Variants in BRIP1 observed in about 807,000 individuals in gnomAD.
BRIP1 encodes Fanconi anemia group J protein.
In BRIP1, 88 loss-of-function variants were observed where a neutral mutation model predicts 119.7. That is an observed-to-expected ratio of 0.74 (90% CI 0.62 to 0.88). The LOEUF is 0.88. Ranked by LOEUF, BRIP1 falls within the 40% of genes least tolerant of loss-of-function variation. The probability of loss-of-function intolerance (pLI) is 0.00; values close to 1 mark genes in which losing one functional copy is unlikely to be tolerated. For synonymous variants in BRIP1, 443 were observed against 496.5 expected (o/e 0.89, Z 1.43); for missense variants, 1,259 against 1,455.4 (o/e 0.87, Z 2.20).
rs936583723 is a variant in BRIP1, at chr17:61,706,586, A to T, written c.2492+9365T>A. On this transcript the variant is annotated intron_variant, in intron 17 of 19. Coordinates refer to ENST00000259008, the MANE Select transcript of BRIP1 (RefSeq NM_032043.3). This position sits in a 1 kb window ranked among gnomAD's most constrained non-coding sequence, Gnocchi z 5.7. ...GTTATTTATCTCCATATTTCTAAGG[A>T]ACATTGATCCTACTACTACTTCTTG... Among the ~76,000 whole-genome samples the T allele has an allele frequency of 6.6e-6, 1 of 152,086 alleles. No individual in the cohort carries two copies. The highest frequency in any genetic ancestry group is 2.4e-5 in the African/African-American group (1 of 41,422).
Position 61,683,307 on chromosome 17 carries a change from C to T in BRIP1, c.3739G>A (p.Gly1247Ser), listed in dbSNP as rs1196057129. 6.2e-7 allele frequency: 1 copy of T among 1,608,920 alleles called. No homozygotes were observed. Residue 1247 changes from glycine to serine, a missense_variant, in exon 20 of 20, where the codon GGT (glycine) becomes AGT (serine). Around this residue, in one of 3 missense-constraint regions of BRIP1, gnomAD observed 753 missense variants for 891.8 expected, o/e 0.84. Transcript: ENST00000259008. This position sits in a 1 kb window ranked among gnomAD's most constrained non-coding sequence, Gnocchi z 4.7. Reference sequence around the variant, plus strand: ...AGAGTTAAGTATTATTACTTAAAACCAGGAAACATGCCTTTATTTTTGGAA... The same window carrying T: ...AGAGTTAAGTATTATTACTTAAAACTAGGAAACATGCCTTTATTTTTGGAA... ...SPSKNKGMFP[G>S]FK
intron 9 of BRIP1, among the ~76,000 whole-genome samples, chr17:61,797,492 A>G (rs2077919121): frequency 6.6e-6 from 1 of 152,026 alleles, no homozygotes; most frequent in Non-Finnish European, 1.5e-5. Flanking sequence ...TTTGCGTAGA[A>G]TTGTCCAGAG....
At chr17:61,812,210 G>A (rs750030041) in intron 6 of BRIP1, among the ~76,000 whole-genome samples, 1 of 151,678 alleles carries the variant, frequency 6.6e-6, no homozygotes, top group Non-Finnish European at 1.5e-5. Flanking sequence ...TTGACCCAGG[G>A]GTCTTAAAAC....
rs2078391209 is a variant in BRIP1, at chr17:61,825,423, G to T, written c.628-16666C>A. On this transcript the variant is annotated intron_variant, in intron 6 of 19. Coordinates refer to ENST00000259008, the MANE Select transcript of BRIP1 (RefSeq NM_032043.3). The surrounding 1 kb of genome is among the most constrained non-coding windows in gnomAD (Gnocchi z 4.1). ...AAAGGGCATCCAAATAGGAAGAGAG[G>T]AAGTCAAACTATCCCTCTTTGCAGA... Among the ~76,000 whole-genome samples, 1 of 151,962 alleles carries T rather than the reference G, an allele frequency of 6.6e-6. No individual in the cohort carries two copies. Among genetic ancestry groups the T allele is most frequent in the African/African-American group, 2.4e-5 (1 of 41,362 alleles).
At chr17:61,696,037 G>A (rs12945154) in intron 17 of BRIP1, among the ~76,000 whole-genome samples, 25 of 152,162 alleles carry the variant, frequency 1.6e-4, no homozygotes, top group East Asian at 5.8e-4. Context: ...AATCACTGTC[G>A]TGATCTTGAA....
chr17:61,858,981 A>G (rs1007428490), intron 3 of BRIP1, among the ~76,000 whole-genome samples: 5 of 149,668 alleles, frequency 3.3e-5, no homozygotes, highest in African/African-American at 9.9e-5. Flanking sequence ...GAATCACTTG[A>G]GCCTGGGAGT....
rs767704885 is a variant in BRIP1 at position 61,760,337 on chromosome 17, C to T, written c.2098-15746G>A. Among the ~76,000 whole-genome samples the T allele has an allele frequency of 3.3e-5, 5 of 151,662 alleles. No homozygotes were observed. The highest frequency in any genetic ancestry group is 7.4e-5 in the Non-Finnish European group (5 of 67,810). Reference sequence around the variant, plus strand: ...GAAAGTTTACAATAACAAATGCCTACATCAAAAAAGAAGATCCCAAATAAA... The same window carrying T: ...GAAAGTTTACAATAACAAATGCCTATATCAAAAAAGAAGATCCCAAATAAA... On this transcript the variant is annotated intron_variant, in intron 14 of 19. Transcript: ENST00000259008. This position sits in a 1 kb window ranked among gnomAD's most constrained non-coding sequence, Gnocchi z 4.6.
In BRIP1 at chr17:61,824,717, T is replaced by G. The variant is rs2078379275; in HGVS notation, c.628-15960A>C. Reference sequence around the variant, plus strand: ...CATAAAACTTTTCCAAAAGCACTGGTGATAAAAAATGGACTTCATGAGATA... The same window carrying G: ...CATAAAACTTTTCCAAAAGCACTGGGGATAAAAAATGGACTTCATGAGATA... On this transcript the variant is annotated intron_variant, in intron 6 of 19. Coordinates refer to ENST00000259008, the MANE Select transcript of BRIP1 (RefSeq NM_032043.3). This position sits in a 1 kb window ranked among gnomAD's most constrained non-coding sequence, Gnocchi z 4.3. Among the ~76,000 whole-genome samples the G allele has an allele frequency of 6.6e-6, 1 of 152,062 alleles. No homozygotes were observed. Among genetic ancestry groups the G allele is most frequent in the South Asian group, 2.1e-4 (1 of 4,824 alleles).
Position 61,808,650 on chromosome 17 carries a change from T to G in BRIP1, c.735A>C (p.Lys245Asn). The G allele has an allele frequency of 6.2e-7, 1 of 1,613,982 alleles. No individual in the cohort carries two copies. Among genetic ancestry groups the G allele is most frequent in the South Asian group, 1.1e-5 (1 of 91,078 alleles). Residue 245 changes from lysine (K) to asparagine (N), a missense_variant, in exon 7 of 20, where the codon AAA becomes AAC. Lys to Asn is a moderately conservative substitution (Grantham distance 94). Around this residue, in one of 3 missense-constraint regions of BRIP1, gnomAD observed 501 missense variants for 544.0 expected, o/e 0.92. Coordinates refer to ENST00000259008, the MANE Select transcript of BRIP1 (RefSeq NM_032043.3). This position sits in a 1 kb window ranked among gnomAD's most constrained non-coding sequence, Gnocchi z 4.1. ...KDHTGKSKIP[K>N]IYFGTRTHKQ... ...TGTGTGTGCGTGTCCCAAAATATATTTTGGGTATCTTGGATTTCCCTGTAT... is the reference window on the plus strand; with the variant it reads ...TGTGTGTGCGTGTCCCAAAATATATGTTGGGTATCTTGGATTTCCCTGTAT...
In BRIP1 at chr17:61,843,336, T is replaced by C. The variant is rs552548718; in HGVS notation, c.627+3765A>G. On this transcript the variant is annotated intron_variant, in intron 6 of 19. Coordinates refer to ENST00000259008, the MANE Select transcript of BRIP1 (RefSeq NM_032043.3). The surrounding 1 kb of genome is among the most constrained non-coding windows in gnomAD (Gnocchi z 5.7). ...TAATAATACTATATTCTAGGCTGGA[T>C]ATTTCGATATTGGCTTTAAAATTTT... Among the ~76,000 whole-genome samples the C allele has an allele frequency of 6.6e-6, 1 of 152,270 alleles. No individual in the cohort carries two copies. The highest frequency in any genetic ancestry group is 2.1e-4 in the South Asian group (1 of 4,820).
At chr17:61,811,903 G>A (rs1359721691) in intron 6 of BRIP1, among the ~76,000 whole-genome samples, 1 of 152,062 alleles carries the variant, frequency 6.6e-6, no homozygotes, top group African/African-American at 2.4e-5. Context: ...AGTGAGCCAA[G>A]ACCACGCCAC....
rs1013467000 is a variant in BRIP1 at position 61,693,005 on chromosome 17, G to A, written c.2575+425C>T. Among the ~76,000 whole-genome samples the A allele has an allele frequency of 6.6e-6, 1 of 152,036 alleles. No homozygotes were observed. The highest frequency in any genetic ancestry group is 2.4e-5 in the African/African-American group (1 of 41,380). ...CAGATGAATGGATAAAGAAAATATG[G>A]TATAATGTATACATAAAATAAAATA... On this transcript the variant is annotated intron_variant, in intron 18 of 19. Transcript: ENST00000259008. This position sits in a 1 kb window ranked among gnomAD's most constrained non-coding sequence, Gnocchi z 4.2.
At position 61,684,232 on chromosome 17, in the gene BRIP1, T is replaced by C; in HGVS notation, c.2906-92A>G. 1 of 1,393,730 alleles carries C rather than the reference T, an allele frequency of 7.2e-7. No individual in the cohort carries two copies. Among genetic ancestry groups the C allele is most frequent in the South Asian group, 1.3e-5 (1 of 77,732 alleles). The allele number at this position is 1,393,730 out of a possible 1,614,324, so 86.3% of individuals were successfully genotyped here. On this transcript the variant is annotated intron_variant, in intron 19 of 19. Transcript: ENST00000259008. The surrounding 1 kb of genome is among the most constrained non-coding windows in gnomAD (Gnocchi z 4.5). Reference sequence around the variant, plus strand: ...TAATTATTTATTAGAAATACCTAAATAACTGTATAGGATACATAACTTAGA... The same window carrying C: ...TAATTATTTATTAGAAATACCTAAACAACTGTATAGGATACATAACTTAGA...
rs943853255 is a variant in BRIP1 at position 61,842,644 on chromosome 17, T to G, written c.627+4457A>C. Among the ~76,000 whole-genome samples, 7 of 152,162 alleles carry G rather than the reference T, an allele frequency of 4.6e-5. No homozygotes were observed. Among genetic ancestry groups the G allele is most frequent in the African/African-American group, 1.7e-4 (7 of 41,444 alleles). On this transcript the variant is annotated intron_variant, in intron 6 of 19. Transcript: ENST00000259008. The surrounding 1 kb of genome is among the most constrained non-coding windows in gnomAD (Gnocchi z 5.1). ...AAATATGTAATATTATTAGTCGGTATTATATAGAATCTTTTATCAGCAGCA... is the reference window on the plus strand; with the variant it reads ...AAATATGTAATATTATTAGTCGGTAGTATATAGAATCTTTTATCAGCAGCA...
intron 13 of BRIP1, among the ~76,000 whole-genome samples, chr17:61,779,869 T>C (rs746146214): frequency 2.0e-5 from 3 of 149,738 alleles, no homozygotes; most frequent in Admixed American, 1.3e-4. Flanking sequence ...AGCAGGAGAA[T>C]TGCTTAAACA....
intron 17 of BRIP1, among the ~76,000 whole-genome samples, chr17:61,697,232 G>C (rs2061539467): frequency 6.8e-6 from 1 of 146,084 alleles, no homozygotes; most frequent in Non-Finnish European, 1.5e-5. Flanking sequence ...AGCTACTCAG[G>C]AGGCTGAGAC....
chr17:61,830,726 C>A (rs1399525486), intron 6 of BRIP1, among the ~76,000 whole-genome samples: 1 of 152,110 alleles, frequency 6.6e-6, no homozygotes, highest in Non-Finnish European at 1.5e-5. Flanking sequence ...CTGGTGAATT[C>A]TATCAAAAAT....
chr17:61,859,245 C>G (rs796885203), intron 3 of BRIP1, among the ~76,000 whole-genome samples: 7 of 152,096 alleles, frequency 4.6e-5, no homozygotes, highest in Admixed American at 1.3e-4. Context: ...ATTTCCCCCC[C>G]CAAAAAAAGC....
rs1033375809 is a variant in BRIP1, at chr17:61,755,766, G to A, written c.2098-11175C>T. Among the ~76,000 whole-genome samples the A allele has an allele frequency of 6.6e-6, 1 of 151,870 alleles. No homozygotes were observed. Among genetic ancestry groups the A allele is most frequent in the Non-Finnish European group, 1.5e-5 (1 of 67,986 alleles). ...CCTCCCTTCCGGAAGAAAACAGACAGGTAAAGATTTAGAAAGAACAATGGA... is the reference window on the plus strand; with the variant it reads ...CCTCCCTTCCGGAAGAAAACAGACAAGTAAAGATTTAGAAAGAACAATGGA... On this transcript the variant is annotated intron_variant, in intron 14 of 19. Transcript: ENST00000259008. The surrounding 1 kb of genome is among the most constrained non-coding windows in gnomAD (Gnocchi z 4.5).
Sources: gnomAD v4.1 joint callset for allele counts (sites outside exome capture counted in the v4.1 genomes callset) on GRCh38, gnomAD v4.1.1 for gene constraint, gnomAD v4.1.1 regional missense constraint, Gnocchi (gnomAD v3.1) non-coding constraint, MANE v1.5 for transcripts, NCBI Gene and HGNC (gene_info 2026-07-23, HGNC 2026-07-21) for gene names.